FAT3: variants seen among roughly 807,000 people sequenced by gnomAD.
The protein encoded by FAT3 is FAT atypical cadherin 3, also known as protocadherin Fat 3.
FAT3 carries 95 observed loss-of-function variants against 310.2 expected under a neutral mutation model. The observed-to-expected ratio is 0.31, with a 90% CI of 0.26 to 0.36. The LOEUF is 0.36. Ranked by LOEUF, FAT3 falls within the 10% of genes least tolerant of loss-of-function variation. The pLI is 1.00. For synonymous variants in FAT3, 2,314 were observed against 2,192.9 expected, an observed-to-expected ratio of 1.06 and a Z score of -1.54; for missense variants, 5,408 against 5,715.6, an observed-to-expected ratio of 0.95 and a Z score of 1.74.
chr11:92,756,894 C>T (rs979288445), intron 4 of FAT3, among the ~76,000 whole-genome samples: 2 of 149,612 alleles, frequency 1.3e-5, no homozygotes, highest in Admixed American at 6.7e-5. Flanking sequence ...CATTCACAGA[C>T]CAATGAACTA....
chr11:92,740,068 G>A (rs1945462544), intron 4 of FAT3, among the ~76,000 whole-genome samples: 2 of 152,148 alleles, frequency 1.3e-5, no homozygotes, highest in Admixed American at 6.6e-5. Flanking sequence ...TATGACTCCG[G>A]CCTGAATTAA....
chr11:92,815,530 G>A (rs1425083680), intron 13 of FAT3, among the ~76,000 whole-genome samples: 9 of 151,912 alleles, frequency 5.9e-5, no homozygotes, highest in Non-Finnish European at 4.4e-5. Flanking sequence ...CAGAGATCAC[G>A]CCACCGCACT....
Position 92,894,853 on chromosome 11 carries a change from C to T in FAT3, c.*3740C>T, listed in dbSNP as rs1949993975. On this transcript the variant is annotated 3_prime_UTR_variant, in exon 28 of 28. Transcript: ENST00000525166. ...GTTTCTGGGATTTGCCTGGAACTTC[C>T]CTTGGACATTACTAGCACATTCTGG... 1 of 152,104 alleles carries T rather than the reference C, an allele frequency of 6.6e-6. No individual in the cohort carries two copies. Among genetic ancestry groups the T allele is most frequent in the Admixed American group, 6.6e-5 (1 of 15,234 alleles). 9.4% of individuals were successfully genotyped at this position (152,104 alleles called of 1,614,324 possible).
At chr11:92,443,232 A>G (rs543984907) in intron 2 of FAT3, among the ~76,000 whole-genome samples, 1 of 152,306 alleles carries the variant, frequency 6.6e-6, no homozygotes, top group East Asian at 1.9e-4. Context: ...GATTCTTCCT[A>G]GTTTATTGTT....
At chr11:92,347,103 A>G (rs573070728) in intron 1 of FAT3, among the ~76,000 whole-genome samples, 9 of 152,200 alleles carry the variant, frequency 5.9e-5, no homozygotes, top group East Asian at 1.9e-4. Context: ...GAGAGGTTCA[A>G]TAGCTTGCCT....
In FAT3 at chr11:92,799,573, A is replaced by T. The variant is rs1156975446; in HGVS notation, c.6560A>T (p.Asp2187Val). 1 of 1,613,852 alleles carries T rather than the reference A, an allele frequency of 6.2e-7. No homozygotes were observed. The highest frequency in any genetic ancestry group is 1.7e-5 in the Admixed American group (1 of 60,008). The change falls in exon 10 of 28, where the codon GAT (aspartate) becomes GTT (valine). Residue 2187 changes from aspartate to valine, a missense_variant. Asp to Val is a radical substitution (Grantham distance 152). Coordinates refer to ENST00000525166, the MANE Select transcript of FAT3 (RefSeq NM_001367949.2). The stretch of plus-strand genomic sequence containing the variant: ...GTCAACAAAGCAATGCCTGTGTTTG[A>T]TAAGCCCTTTTATACAGCATCTGTC... The part of the protein sequence containing the change: ...TIVNKAMPVF[D>V]KPFYTASVNE...
chr11:92,638,776 T>A (rs1268642674), intron 3 of FAT3, among the ~76,000 whole-genome samples: 1 of 152,226 alleles, frequency 6.6e-6, no homozygotes, highest in Non-Finnish European at 1.5e-5. Flanking sequence ...CTGAGCATAC[T>A]TGATTTCCAA....
chr11:92,607,580 G>C (rs1940362013), intron 3 of FAT3, among the ~76,000 whole-genome samples: 1 of 152,136 alleles, frequency 6.6e-6, no homozygotes, highest in African/African-American at 2.4e-5. Flanking sequence ...TTGTTTTGCT[G>C]TTCAGTTGTA....
At chr11:92,340,111 CAAA>C (rs56378818) in intron 1 of FAT3, among the ~76,000 whole-genome samples, 5 of 49,152 alleles carry the variant, frequency 1.0e-4, no homozygotes, top group South Asian at 8.4e-4. Context: ...GACTCCATCT[CAAA>C]AAAAAAAAAA....
chr11:92,871,009 A>G (rs1272844193), intron 22 of FAT3, among the ~76,000 whole-genome samples: 1 of 152,136 alleles, frequency 6.6e-6, no homozygotes, highest in Non-Finnish European at 1.5e-5. Flanking sequence ...ATAGCTAGTA[A>G]AGTGGTGAAA....
At chr11:92,363,174 T>A (rs959491750) in intron 2 of FAT3, among the ~76,000 whole-genome samples, 2 of 152,294 alleles carry the variant, frequency 1.3e-5, no homozygotes, top group East Asian at 3.9e-4. Context: ...GGCAAACAAT[T>A]GAGTAGCTTT....
At chr11:92,578,849 T>C (rs1938630589) in intron 3 of FAT3, among the ~76,000 whole-genome samples, 1 of 151,912 alleles carries the variant, frequency 6.6e-6, no homozygotes, top group South Asian at 2.1e-4. Flanking sequence ...CAAAATAACA[T>C]TTTCCCCCAT....
intron 3 of FAT3, among the ~76,000 whole-genome samples, chr11:92,688,045 AT>A (rs370884875): frequency 6.6e-6 from 1 of 151,160 alleles, no homozygotes; most frequent in South Asian, 2.1e-4. Context: ...AAAAAAAAAA[AT>A]TTTTTTAACT....
intron 13 of FAT3, among the ~76,000 whole-genome samples, chr11:92,823,644 A>AT (rs1948027461): frequency 6.6e-6 from 1 of 152,126 alleles, no homozygotes; most frequent in Non-Finnish European, 1.5e-5. Context: ...TCCTCAACAG[A>AT]TTTTTGGTGC....
chr11:92,467,121 G>T (rs543650710), intron 2 of FAT3, among the ~76,000 whole-genome samples: 8 of 152,036 alleles, frequency 5.3e-5, no homozygotes, highest in African/African-American at 1.4e-4. Flanking sequence ...GGGTCAAATG[G>T]TATTTCTAGT....
At chr11:92,360,411 A>G (rs1948849255) in intron 2 of FAT3, among the ~76,000 whole-genome samples, 1 of 152,244 alleles carries the variant, frequency 6.6e-6, no homozygotes, top group African/African-American at 2.4e-5. Context: ...AGTGGATTTG[A>G]TCACAATTTA....
At chr11:92,657,335 A>G (rs1180501570) in intron 3 of FAT3, among the ~76,000 whole-genome samples, 4 of 152,212 alleles carry the variant, frequency 2.6e-5, no homozygotes, top group Non-Finnish European at 4.4e-5. Flanking sequence ...GAAAGGGTAA[A>G]TGTAGTCATT....
At position 92,797,843 on chromosome 11, in the gene FAT3, T is replaced by A; in HGVS notation, c.4830T>A (p.Thr1610=). 1 of 1,608,714 alleles carries A rather than the reference T, an allele frequency of 6.2e-7. No individual in the cohort carries two copies. ...TTGATTTCTGTATTTTAGGGAACAC[T>A]GGGAACATGTTTAAGATCGAACCGG... is the stretch of plus-strand genomic sequence containing the variant. ...ELIYTIEAGN[T]GNMFKIEPVL... The change falls in exon 10 of 28, where the codon ACT becomes ACA. Residue 1610 remains threonine (T), a synonymous_variant. Coordinates refer to ENST00000525166, the MANE Select transcript of FAT3 (RefSeq NM_001367949.2).
intron 2 of FAT3, among the ~76,000 whole-genome samples, chr11:92,473,954 C>T (rs1267257783): frequency 3.3e-5 from 5 of 152,190 alleles, no homozygotes; most frequent in African/African-American, 9.7e-5. Flanking sequence ...TGTCAGGACA[C>T]GTCTGCTGCC....
Sources: gnomAD v4.1 joint callset for allele counts (sites outside exome capture counted in the v4.1 genomes callset) on GRCh38, gnomAD v4.1.1 for gene constraint, MANE v1.5 for transcripts, NCBI Gene and HGNC (gene_info 2026-07-23, HGNC 2026-07-21) for gene names.